LRRC4C: variants seen among roughly 807,000 people sequenced by gnomAD.
LRRC4C encodes leucine-rich repeat-containing protein 4C.
Under a neutral mutation model 33.6 loss-of-function variants are expected in LRRC4C, and 5 were observed. The observed-to-expected ratio is 0.15, with a 90% CI of 0.08 to 0.31. The LOEUF (loss-of-function observed/expected upper bound fraction) is 0.31. Ranked by LOEUF, LRRC4C falls within the 10% of genes least tolerant of loss-of-function variation. The probability of loss-of-function intolerance (pLI) is 1.00; values close to 1 mark genes in which losing one functional copy is unlikely to be tolerated. For missense variants in LRRC4C, 560 were observed against 796.7 expected, an observed-to-expected ratio of 0.70 and a Z score of 3.58; for synonymous variants, 329 against 302.0, an observed-to-expected ratio of 1.09 and a Z score of -0.93.
intron 1 of LRRC4C, among the ~76,000 whole-genome samples, chr11:41,428,687 G>A (rs1955127890): frequency 6.6e-6 from 1 of 152,100 alleles, no homozygotes; most frequent in Non-Finnish European, 1.5e-5. Context: ...CTGGGAAAGA[G>A]TATAACTAAC....
At chr11:40,367,812 T>C (rs376708132) in intron 3 of LRRC4C, among the ~76,000 whole-genome samples, 1 of 152,158 alleles carries the variant, frequency 6.6e-6, no homozygotes, top group Non-Finnish European at 1.5e-5. Flanking sequence ...TTCTAGCTTA[T>C]TATGCAAGTT....
intron 2 of LRRC4C, among the ~76,000 whole-genome samples, chr11:40,846,266 T>C (rs1286990832): frequency 6.6e-6 from 1 of 152,230 alleles, no homozygotes; most frequent in East Asian, 1.9e-4. Flanking sequence ...GCCTATGTCC[T>C]GAATGGTATT....
intron 1 of LRRC4C, among the ~76,000 whole-genome samples, chr11:41,193,260 T>G (rs1432065990): frequency 6.6e-6 from 1 of 152,124 alleles, no homozygotes; most frequent in African/African-American, 2.4e-5. Context: ...TCTTAAAGTT[T>G]TTCTTGATAA....
At chr11:40,705,247 T>G (rs1214168107) in intron 2 of LRRC4C, among the ~76,000 whole-genome samples, 1 of 152,110 alleles carries the variant, frequency 6.6e-6, no homozygotes, top group Admixed American at 6.6e-5. Flanking sequence ...AGGATACATG[T>G]GCACAACGTG....
chr11:41,149,526 A>G (rs1030396362), intron 1 of LRRC4C, among the ~76,000 whole-genome samples: 3 of 151,824 alleles, frequency 2.0e-5, no homozygotes, highest in African/African-American at 4.8e-5. Flanking sequence ...AAAAAAAAAA[A>G]AAAAAAAGAA....
intron 1 of LRRC4C, among the ~76,000 whole-genome samples, chr11:41,320,791 C>G (rs757396173): frequency 6.6e-6 from 1 of 152,124 alleles, no homozygotes; most frequent in Non-Finnish European, 1.5e-5. Flanking sequence ...GGAGCTCACA[C>G]TCATAGTGTG....
intron 2 of LRRC4C, among the ~76,000 whole-genome samples, chr11:40,759,617 C>A (rs953061800): frequency 4.6e-5 from 7 of 151,886 alleles, no homozygotes; most frequent in African/African-American, 1.7e-4. Context: ...CCACATTGTA[C>A]CCTAGCCTAT....
At chr11:40,512,969 G>A (rs190416683) in intron 3 of LRRC4C, among the ~76,000 whole-genome samples, 30 of 152,236 alleles carry the variant, frequency 2.0e-4, no homozygotes, top group African/African-American at 7.2e-4. Context: ...CTGTAACAAG[G>A]CTGGGCGCGG....
chr11:40,959,067 C>T (rs559890599), intron 1 of LRRC4C, among the ~76,000 whole-genome samples: 2 of 151,726 alleles, frequency 1.3e-5, no homozygotes, highest in East Asian at 3.9e-4. Flanking sequence ...ATTAGAATCA[C>T]TAAGAAGCTT....
At chr11:40,598,390 G>GA (rs1270701310) in intron 3 of LRRC4C, among the ~76,000 whole-genome samples, 2 of 152,054 alleles carry the variant, frequency 1.3e-5, no homozygotes, top group Admixed American at 1.3e-4. Context: ...CACCTTTGAG[G>GA]AAAAAATTTA....
intron 2 of LRRC4C, among the ~76,000 whole-genome samples, chr11:40,822,355 C>T (rs551468958): frequency 3.8e-4 from 56 of 147,420 alleles, no homozygotes; most frequent in African/African-American, 1.2e-3. Context: ...TTTTTTTTAT[C>T]GCTGAATAGT....
chr11:40,716,892 G>C (rs1946751746), intron 2 of LRRC4C, among the ~76,000 whole-genome samples: 1 of 152,174 alleles, frequency 6.6e-6, no homozygotes, highest in African/African-American at 2.4e-5. Context: ...TGAGGATTCT[G>C]AAGCTTGGCT....
chr11:40,914,006 T>C (rs1956822915), intron 2 of LRRC4C, among the ~76,000 whole-genome samples: 1 of 152,052 alleles, frequency 6.6e-6, no homozygotes. Flanking sequence ...AGGAAGAAGC[T>C]GACTATCTGA....
At chr11:40,600,757 A>C (rs2135804562) in intron 3 of LRRC4C, among the ~76,000 whole-genome samples, 1 of 152,342 alleles carries the variant, frequency 6.6e-6, no homozygotes, top group African/African-American at 2.4e-5. Flanking sequence ...ATCTCCCATA[A>C]GTCAATAAGA....
At chr11:40,937,601 A>ATGTGTGTGTGTGTG (rs1486364979) in intron 1 of LRRC4C, among the ~76,000 whole-genome samples, 10 of 114,756 alleles carry the variant, frequency 8.7e-5, no homozygotes, top group African/African-American at 4.2e-4. Flanking sequence ...GAGTGTGTGT[A>ATGTGTGTGTGTGTG]TATGTGTGTG....
intron 2 of LRRC4C, among the ~76,000 whole-genome samples, chr11:40,842,060 T>C (rs1282351972): frequency 2.0e-5 from 3 of 152,264 alleles, no homozygotes; most frequent in Admixed American, 1.3e-4. Flanking sequence ...GCTTGCATTA[T>C]AAATCACGAC....
intron 3 of LRRC4C, among the ~76,000 whole-genome samples, chr11:40,498,706 A>AATC (rs138264774): frequency 0.041 from 6,169 of 152,262 alleles, 284 homozygotes; most frequent in African/African-American, 0.11. Flanking sequence ...AAGTTTTCAG[A>AATC]ATTGTTTTTA....
intron 1 of LRRC4C, among the ~76,000 whole-genome samples, chr11:41,301,451 T>A (rs938546816): frequency 1.3e-5 from 2 of 151,882 alleles, no homozygotes; most frequent in East Asian, 3.9e-4. Context: ...ACCAAAAGAG[T>A]TTTGTATTTA....
At chr11:40,780,833 C>T (rs2137271514) in intron 2 of LRRC4C, among the ~76,000 whole-genome samples, 1 of 149,830 alleles carries the variant, frequency 6.7e-6, no homozygotes, top group Non-Finnish European at 1.5e-5. Context: ...ATGCAGATTG[C>T]CAGGAGAATC....
Sources: gnomAD v4.1 joint callset for allele counts (sites outside exome capture counted in the v4.1 genomes callset) on GRCh38, gnomAD v4.1.1 for gene constraint, MANE v1.5 for transcripts, NCBI Gene and HGNC (gene_info 2026-07-23, HGNC 2026-07-21) for gene names.